Variants in PEX13 observed in about 807,000 individuals in gnomAD.
The protein encoded by PEX13 is peroxisomal biogenesis factor 13.
In PEX13, 28 loss-of-function variants were observed where a neutral mutation model predicts 34.5. That is an observed-to-expected ratio of 0.81 (90% CI 0.60 to 1.11). PEX13 has a LOEUF of 1.11. Ranked by LOEUF, PEX13 falls within the 50% of genes most tolerant of loss-of-function variation. The probability of loss-of-function intolerance (pLI) is 0.00; values close to 1 mark genes in which losing one functional copy is unlikely to be tolerated. For synonymous variants in PEX13, 177 were observed against 175.1 expected (o/e 1.01, Z -0.09); for missense variants, 550 against 491.0 (o/e 1.12, Z -1.13).
chr2:61,025,191 C>T (rs1364030206), intron 1 of PEX13, among the ~76,000 whole-genome samples: 1 of 151,574 alleles, frequency 6.6e-6, no homozygotes, highest in Non-Finnish European at 1.5e-5. Context: ...GCCTGAGCCT[C>T]CCCCGTAGCT....
chr2:61,045,899 A>G (rs991775784), intron 3 of PEX13, 48 bp downstream of exon 3: 6 of 1,445,918 alleles, frequency 4.1e-6, no homozygotes, highest in Admixed American at 1.7e-5. Context: ...TTTGATATTC[A>G]TAAATGCAGT....
chr2:61,018,330 A>G (rs1028682403), intron 1 of PEX13: 25 of 1,533,574 alleles, frequency 1.6e-5, no homozygotes, highest in Non-Finnish European at 2.2e-5. Context: ...CAAGCCCCGT[A>G]CACTTTGCAT....
chr2:61,027,247 A>G (rs1357520354), intron 1 of PEX13, among the ~76,000 whole-genome samples: 3 of 147,562 alleles, frequency 2.0e-5, no homozygotes, highest in Non-Finnish European at 3.0e-5. Context: ...CTGAGGTGGG[A>G]GGGATCGCTT....
At chr2:61,029,922 A>G (rs1005327926) in intron 1 of PEX13, among the ~76,000 whole-genome samples, 10 of 152,186 alleles carry the variant, frequency 6.6e-5, no homozygotes, top group Non-Finnish European at 1.3e-4. Context: ...AATTACATAC[A>G]TTTACAGTGT....
rs189155758 is a variant in PEX13 at position 61,027,239 on chromosome 2, G to C, written c.93-4180G>C. On this transcript the variant is annotated intron_variant, in intron 1 of 3. Transcript: ENST00000295030. ...TGTAGTCCCAGCTACTTGGGAAGCT[G>C]AGGTGGGAGGGATCGCTTGAGCCTA... Among the ~76,000 whole-genome samples, 22 of 151,382 alleles carry C rather than the reference G, an allele frequency of 1.5e-4. No homozygotes were observed. The East Asian group carries it at 3.9e-3, about 27-fold the overall frequency.
intron 1 of PEX13, among the ~76,000 whole-genome samples, chr2:61,022,256 C>T (rs1484069495): frequency 2.6e-5 from 4 of 152,252 alleles, no homozygotes; most frequent in African/African-American, 4.8e-5. Flanking sequence ...TGTTCTAACC[C>T]GTCGCAAAGA....
At chr2:61,040,229 T>A (rs563150099) in intron 2 of PEX13, among the ~76,000 whole-genome samples, 1 of 152,272 alleles carries the variant, frequency 6.6e-6, no homozygotes, top group African/African-American at 2.4e-5. Context: ...CAGTGATCCC[T>A]TACTGGGTAT....
At chr2:61,037,376 C>T (rs1461392463) in intron 2 of PEX13, among the ~76,000 whole-genome samples, 1 of 152,186 alleles carries the variant, frequency 6.6e-6, no homozygotes, top group Non-Finnish European at 1.5e-5. Flanking sequence ...GGAAGTAAAA[C>T]ACTCCTCAGC....
chr2:61,033,540 G>C (rs548886537), intron 2 of PEX13, among the ~76,000 whole-genome samples: 1 of 152,294 alleles, frequency 6.6e-6, no homozygotes, highest in African/African-American at 2.4e-5. Flanking sequence ...CTCTGCCTTT[G>C]TGGCAGTCTA....
intron 2 of PEX13, among the ~76,000 whole-genome samples, 161 bp from the exon 3 acceptor site, chr2:61,045,565 T>C (rs1450620637): frequency 1.3e-5 from 2 of 152,248 alleles, no homozygotes; most frequent in Non-Finnish European, 1.5e-5. Flanking sequence ...GTATCTTTAG[T>C]GGATCTATTG....
At chr2:61,026,581 T>C (rs13429374) in intron 1 of PEX13, among the ~76,000 whole-genome samples, 71,512 of 151,538 alleles carry the variant, frequency 0.47, 18,954 homozygotes, top group African/African-American at 0.69. Context: ...CTCCTGACAT[T>C]GTGATCCACC....
At chr2:61,025,437 C>T (rs536139709) in intron 1 of PEX13, among the ~76,000 whole-genome samples, 33 of 152,144 alleles carry the variant, frequency 2.2e-4, no homozygotes, top group Non-Finnish European at 4.0e-4. Flanking sequence ...CGGCTCACTA[C>T]AACCCCTGTC....
At chr2:61,026,310 C>T (rs539589848) in intron 1 of PEX13, among the ~76,000 whole-genome samples, 58 of 151,396 alleles carry the variant, frequency 3.8e-4, no homozygotes, top group South Asian at 1.2e-3. Flanking sequence ...AGTTGAAAAA[C>T]GGTTCCAGTG....
chr2:61,025,340 CATT>C (rs528675719), intron 1 of PEX13, among the ~76,000 whole-genome samples: 13 of 146,518 alleles, frequency 8.9e-5, no homozygotes, highest in South Asian at 2.2e-4. Context: ...TAAGCCCTAT[CATT>C]ATTATTATTA....
Position 61,031,663 on chromosome 2 carries a change from C to A in PEX13, c.337C>A (p.Leu113Ile). Residue 113 changes from leucine to isoleucine, a missense_variant, in exon 2 of 4, where the codon CTT (leucine) becomes ATT (isoleucine). By Grantham distance (5) the Leu-to-Ile change is conservative (BLOSUM62 2). Coordinates refer to ENST00000295030, the MANE Select transcript of PEX13 (RefSeq NM_002618.4). ...LGYNRLRVDD[L>I]PPSRFVQQAE... ...CTACAACCGCCTCCGTGTAGATGAT[C>A]TTCCACCCAGTAGATTTGTTCAGCA... 6.2e-7 allele frequency: 1 copy of A among 1,614,030 alleles called. No homozygotes were observed. The highest frequency in any genetic ancestry group is 8.5e-7 in the Non-Finnish European group (1 of 1,179,976).
chr2:61,049,128 G>A lies in PEX13; in HGVS notation c.*358G>A, dbSNP rs1177230. 198,963 of 201,256 alleles carry A rather than the reference G, an allele frequency of 0.99. 98,362 individuals carry two copies. Among genetic ancestry groups the A allele is most frequent in the Middle Eastern group, 1 (436 of 436 alleles). The allele number at this position is 201,256 out of a possible 1,614,324, so 12.5% of individuals were successfully genotyped here. A position where few individuals can be genotyped will look rare whatever the true frequency, so the allele number is the denominator to read the frequency against. The stretch of plus-strand genomic sequence containing the variant: ...GATCATTAATACTTTTAAAAGTTCT[G>A]CATTAATTGACTTGGAATCCTTAGA... On this transcript the variant is annotated 3_prime_UTR_variant, in exon 4 of 4. Transcript: ENST00000295030.
intron 3 of PEX13, 64 bp downstream of exon 3, chr2:61,045,915 A>G: frequency 7.9e-7 from 1 of 1,267,932 alleles, no homozygotes; most frequent in Non-Finnish European, 1.2e-6. Flanking sequence ...GCAGTATTAA[A>G]AACTACAACA....
chr2:61,021,444 C>T (rs777537308), intron 1 of PEX13, among the ~76,000 whole-genome samples: 4 of 152,136 alleles, frequency 2.6e-5, no homozygotes, highest in Admixed American at 6.5e-5. Flanking sequence ...GATCAATCTG[C>T]GAGGCAGCAG....
rs1428782325 is a variant in PEX13, at chr2:61,048,497, G to A, written c.939G>A (p.Trp313Ter). 1.2e-6 allele frequency: 2 copies of A among 1,614,018 alleles called. No homozygotes were observed. The highest frequency in any genetic ancestry group is 3.3e-5 in the Admixed American group (2 of 60,016). The change falls in exon 4 of 4, where the codon TGG (tryptophan) becomes TGA (stop). Residue 313 changes from tryptophan (W) to a stop codon, truncating the protein, a stop_gained. Transcript: ENST00000295030. LOFTEE classifies it high-confidence loss of function. The part of the protein sequence containing the change: ...LKEQQPKVRG[W>*]LLASLDGQTT... ...AACAACAACCCAAAGTGCGTGGTTG[G>A]CTTCTGGCTAGCCTTGATGGCCAAA...
Sources: allele counts gnomAD v4.1 joint callset (sites outside exome capture counted in the v4.1 genomes callset), GRCh38; gene constraint gnomAD v4.1.1; transcripts MANE v1.5; gene names NCBI Gene and HGNC (gene_info 2026-07-23, HGNC 2026-07-21).